CTBP2: variants seen among roughly 807,000 people sequenced by gnomAD.
The protein encoded by CTBP2 is C-terminal-binding protein 2.
In CTBP2, 30 loss-of-function variants were observed where a neutral mutation model predicts 80.3. The observed-to-expected ratio is 0.37, with a 90% CI of 0.28 to 0.51. The LOEUF (loss-of-function observed/expected upper bound fraction) is 0.51, where lower values mean the gene tolerates loss of function less well. Among genes scored for constraint, CTBP2 ranks in the 20% least tolerant of loss-of-function variants. The pLI, the probability that CTBP2 is intolerant of heterozygous loss-of-function variation, is 0.93. For missense variants in CTBP2, 1,212 were observed against 1,375.3 expected, an observed-to-expected ratio of 0.88 and a Z score of 1.88; for synonymous variants, 594 against 587.4, an observed-to-expected ratio of 1.01 and a Z score of -0.16.
intron 1 of CTBP2, among the ~76,000 whole-genome samples, chr10:125,016,070 G>A (rs1956449606): frequency 6.6e-6 from 1 of 152,242 alleles, no homozygotes; most frequent in Admixed American, 6.5e-5. Context: ...CACCACCCGG[G>A]GTGACGGGGA....
rs578244143 is a variant in CTBP2 at position 125,116,943 on chromosome 10, G to A, written c.-205-5850C>T. Among the ~76,000 whole-genome samples, 8 of 152,320 alleles carry A rather than the reference G, an allele frequency of 5.3e-5. No individual in the cohort carries two copies. In the East Asian group the frequency reaches 1.2e-3, roughly 22 times the overall value. On this transcript the variant is annotated intron_variant, in intron 1 of 10. Coordinates refer to the CTBP2 transcript ENST00000337195. The stretch of plus-strand genomic sequence containing the variant: ...GGCAGGATGGTGGCCCTTGACTCGA[G>A]GCCATGAGAAGCAGCCCAGAGGACC...
intron 2 of CTBP2, among the ~76,000 whole-genome samples, chr10:125,052,387 G>A (rs1172675789): frequency 1.3e-5 from 2 of 152,234 alleles, no homozygotes; most frequent in Non-Finnish European, 2.9e-5. Flanking sequence ...ACAACACGCA[G>A]GGAGCAGCCT....
At chr10:125,079,598 CAG>C (rs1846866177) in intron 2 of CTBP2, among the ~76,000 whole-genome samples, 1 of 152,190 alleles carries the variant, frequency 6.6e-6, no homozygotes, top group Non-Finnish European at 1.5e-5. Context: ...GCTACAAAAA[CAG>C]AAGGGTGGGC....
At chr10:125,109,342 A>G (rs149553256) in intron 2 of CTBP2, among the ~76,000 whole-genome samples, 7 of 152,312 alleles carry the variant, frequency 4.6e-5, no homozygotes, top group African/African-American at 7.2e-5. Context: ...TGGAAACATC[A>G]CCATGACCCA....
At chr10:125,094,007 C>T (rs558033933) in intron 2 of CTBP2, among the ~76,000 whole-genome samples, 89 of 152,274 alleles carry the variant, frequency 5.8e-4, no homozygotes, top group African/African-American at 2.0e-3. Context: ...TAGAATGTGC[C>T]GTCTTCTTGA....
chr10:125,158,069 A>G (rs751667570), intron 1 of CTBP2, among the ~76,000 whole-genome samples: 13 of 152,058 alleles, frequency 8.5e-5, no homozygotes, highest in Non-Finnish European at 1.8e-4. Context: ...TTACTTTATA[A>G]TTGCTGTAAG....
intron 1 of CTBP2, among the ~76,000 whole-genome samples, chr10:125,132,694 T>C (rs887751294): frequency 7.9e-5 from 12 of 152,324 alleles, no homozygotes; most frequent in Non-Finnish European, 1.5e-4. Context: ...ATAATACTTA[T>C]AAACTTATTT....
At chr10:125,092,358 T>G (rs1848902906) in intron 2 of CTBP2, among the ~76,000 whole-genome samples, 1 of 151,842 alleles carries the variant, frequency 6.6e-6, no homozygotes, top group Admixed American at 6.6e-5. Context: ...ACCCAGCTCA[T>G]TTTTGTATTT....
intron 1 of CTBP2, among the ~76,000 whole-genome samples, chr10:125,008,758 A>G (rs12769019): frequency 0.23 from 34,729 of 152,244 alleles, 4,411 homozygotes; most frequent in Middle Eastern, 0.39. Context: ...GGCAAAATTT[A>G]TTCAAAGATC....
intron 1 of CTBP2, among the ~76,000 whole-genome samples, chr10:125,154,257 C>G (rs12355882): frequency 0.24 from 36,054 of 152,066 alleles, 4,414 homozygotes; most frequent in South Asian, 0.34. Context: ...CCCTCTCCCC[C>G]CTCACCCCTG....
At chr10:125,089,928 T>A (rs1848522145) in intron 2 of CTBP2, among the ~76,000 whole-genome samples, 1 of 152,152 alleles carries the variant, frequency 6.6e-6, no homozygotes, top group South Asian at 2.1e-4. Context: ...GATGTTGTCC[T>A]TGGGAACACT....
chr10:125,007,073 T>G (rs563493662), intron 1 of CTBP2, among the ~76,000 whole-genome samples: 1 of 152,358 alleles, frequency 6.6e-6, no homozygotes, highest in African/African-American at 2.4e-5. Flanking sequence ...AGGGCCCTGG[T>G]GCCCTCTATG....
intron 1 of CTBP2, among the ~76,000 whole-genome samples, chr10:125,005,326 GA>G (rs1305998800): frequency 6.6e-6 from 1 of 152,186 alleles, no homozygotes; most frequent in Non-Finnish European, 1.5e-5. Flanking sequence ...CCGGCTGGGA[GA>G]AATCATGGCC....
At chr10:124,991,386 A>G (rs531718342) in intron 8 of CTBP2, among the ~76,000 whole-genome samples, 5 of 152,236 alleles carry the variant, frequency 3.3e-5, no homozygotes, top group Admixed American at 2.0e-4. Flanking sequence ...AGGATAAATA[A>G]CAATGGAGAC....
At chr10:125,060,778 C>T (rs1001049485) in intron 2 of CTBP2, among the ~76,000 whole-genome samples, 4 of 152,216 alleles carry the variant, frequency 2.6e-5, no homozygotes, top group Admixed American at 1.3e-4. Context: ...AAGAAGCACA[C>T]GGGCAGGCTT....
At chr10:125,102,016 C>G (rs1177017340) in intron 2 of CTBP2, among the ~76,000 whole-genome samples, 1 of 152,176 alleles carries the variant, frequency 6.6e-6, no homozygotes, top group African/African-American at 2.4e-5. Context: ...AATGTCATTC[C>G]AGACTCAGCA....
intron 4 of CTBP2, chr10:124,997,177 G>A (rs900483272): frequency 2.0e-5 from 3 of 152,252 alleles, no homozygotes; most frequent in African/African-American, 7.2e-5. Flanking sequence ...AGTCCCAAAA[G>A]GCAGATACCA....
chr10:125,087,078 T>C (rs889323995), intron 2 of CTBP2, among the ~76,000 whole-genome samples: 16 of 147,732 alleles, frequency 1.1e-4, no homozygotes, highest in Middle Eastern at 6.9e-3. Flanking sequence ...TTTCTTTCTT[T>C]TTTTTTTTTT....
At chr10:125,023,641 C>T (rs569633954) in intron 1 of CTBP2, among the ~76,000 whole-genome samples, 9 of 152,264 alleles carry the variant, frequency 5.9e-5, no homozygotes, top group East Asian at 1.9e-4. Flanking sequence ...CTGGGGTCCC[C>T]GCAGCATACG....
Sources: allele counts gnomAD v4.1 joint callset (sites outside exome capture counted in the v4.1 genomes callset), GRCh38; gene constraint gnomAD v4.1.1; transcripts MANE v1.5; gene names NCBI Gene and HGNC (gene_info 2026-07-23, HGNC 2026-07-21).